SLC35F6: variants seen among roughly 807,000 people sequenced by gnomAD.
SLC35F6 encodes the protein solute carrier family 35 member F6.
SLC35F6 carries 26 observed loss-of-function variants against 29.4 expected under a neutral mutation model. The ratio of observed to expected loss-of-function variants is 0.89; its 90% CI spans 0.65 to 1.23. The LOEUF (loss-of-function observed/expected upper bound fraction) is 1.23, where lower values mean the gene tolerates loss of function less well. Among genes scored for constraint, SLC35F6 ranks in the 50% most tolerant of loss-of-function variants. The pLI is 0.00. For missense variants in SLC35F6, 428 were observed against 487.8 expected, an observed-to-expected ratio of 0.88 and a Z score of 1.15; for synonymous variants, 174 against 206.6, an observed-to-expected ratio of 0.84 and a Z score of 1.35.
chr2:26,776,758 G>C (rs10183879), intron 5 of SLC35F6, among the ~76,000 whole-genome samples: 2,282 of 152,296 alleles, frequency 0.015, 57 homozygotes, highest in African/African-American at 0.052. Context: ...GTGCTCAACT[G>C]ATGTCTCATT....
At position 26,778,229 on chromosome 2, in the gene SLC35F6, C is replaced by T. The variant is rs565856734; in HGVS notation, c.834C>T (p.Phe278=). ...TCAGCAGCATTGCCTTCTTCAACTT[C>T]GCAGGCATCAGCGTCACCAAGGAAC... The part of the protein sequence containing the change: ...GNISSIAFFN[F]AGISVTKELS... Residue 278 remains phenylalanine (F), a synonymous_variant, in exon 6 of 6, where the codon TTC becomes TTT. Coordinates refer to ENST00000344420, the MANE Select transcript of SLC35F6 (RefSeq NM_017877.4). The T allele has an allele frequency of 8.7e-6, 14 of 1,614,178 alleles. No homozygotes were observed. The African/African-American group carries it at 1.2e-4, about 14-fold the overall frequency.
rs1572634043 is a variant in SLC35F6, at chr2:26,775,197, A to C, written c.304A>C (p.Thr102Pro). 6.2e-7 allele frequency: 1 copy of C among 1,613,882 alleles called. No homozygotes were observed. The highest frequency in any genetic ancestry group is 8.5e-7 in the Non-Finnish European group (1 of 1,179,950). The change falls in exon 3 of 6, where the codon ACC (threonine) becomes CCC (proline). Residue 102 changes from threonine to proline, a missense_variant. Thr to Pro is a conservative substitution (Grantham distance 38). Coordinates refer to ENST00000344420, the MANE Select transcript of SLC35F6 (RefSeq NM_017877.4). The surrounding 1 kb of genome is among the most constrained non-coding windows in gnomAD (Gnocchi z 4.6). ...CCCAGCGCTCTGTGACATGACAGGG[A>C]CCAGCCTCATGTATGTGGGTGAGTA... is the stretch of plus-strand genomic sequence containing the variant. ...LPPALCDMTG[T>P]SLMYVALNMT... is the part of the protein sequence containing the mutation.
rs960426815 is a variant in SLC35F6 at position 26,774,142 on chromosome 2, G to A, written c.78-109G>A. 1.7e-5 allele frequency: 22 copies of A among 1,314,004 alleles called. No individual in the cohort carries two copies. The African/African-American group carries it at 2.9e-4, about 17-fold the overall frequency. 81.4% of individuals were successfully genotyped at this position (1,314,004 alleles called of 1,614,324 possible). A position where few individuals can be genotyped will look rare whatever the true frequency, so the allele number is the denominator to read the frequency against. On this transcript the variant is annotated intron_variant, in intron 1 of 5. Coordinates refer to ENST00000344420, the MANE Select transcript of SLC35F6 (RefSeq NM_017877.4). ...CCCTTTGAGAGGGAGCCCCACTCTG[G>A]GGCCGGGTCACCCAGGTCTGGGCCT...
chr2:26,779,673 A>G lies in SLC35F6; in HGVS notation c.*1162A>G, dbSNP rs1181663237. The G allele has an allele frequency of 2.6e-5, 4 of 151,996 alleles. No individual in the cohort carries two copies. The highest frequency in any genetic ancestry group is 5.9e-5 in the Non-Finnish European group (4 of 68,046). 9.4% of individuals were successfully genotyped at this position (151,996 alleles called of 1,614,324 possible). A position where few individuals can be genotyped will look rare whatever the true frequency, so the allele number is the denominator to read the frequency against. On this transcript the variant is annotated 3_prime_UTR_variant, in exon 6 of 6. Transcript: ENST00000344420. Reference sequence around the variant, plus strand: ...TGGGACTACAGGCGTGTGCCACCACATCCGGCTAATTTTTTGCATTCTTTA... The same window carrying G: ...TGGGACTACAGGCGTGTGCCACCACGTCCGGCTAATTTTTTGCATTCTTTA...
At chr2:26,764,723 G>A in intron 1 of SLC35F6, 1 of 899,414 alleles carries the variant, frequency 1.1e-6, no homozygotes, top group Non-Finnish European at 1.3e-6. Context: ...TCCAGTGCTG[G>A]CGTCCAAGCC....
In SLC35F6 at chr2:26,767,099, G is replaced by A. The variant is rs542122088; in HGVS notation, c.77+2673G>A. On this transcript the variant is annotated intron_variant, in intron 1 of 5. Coordinates refer to ENST00000344420, the MANE Select transcript of SLC35F6 (RefSeq NM_017877.4). ...ATGAAGGCTGGAACCCAGGCCTCAG[G>A]ACTTTAAGTCCTGTTCTTTTATGAC... Among the ~76,000 whole-genome samples, 10 of 152,320 alleles carry A rather than the reference G, an allele frequency of 6.6e-5. 1 individual carries two copies. The highest frequency in any genetic ancestry group is 2.4e-4 in the African/African-American group (10 of 41,568).
At position 26,775,354 on chromosome 2, in the gene SLC35F6, G is replaced by A. The variant is rs1438033187; in HGVS notation, c.323-110G>A. ...TTCACACGCACAGGCACACAGGCAGGACTGATCGAGCGCTTACTATGAGCT... is the reference window on the plus strand; with the variant it reads ...TTCACACGCACAGGCACACAGGCAGAACTGATCGAGCGCTTACTATGAGCT... On this transcript the variant is annotated intron_variant, in intron 3 of 5. Transcript: ENST00000344420. This position sits in a 1 kb window ranked among gnomAD's most constrained non-coding sequence, Gnocchi z 4.6. The A allele has an allele frequency of 6.6e-7, 1 of 1,520,550 alleles. No individual in the cohort carries two copies. Among genetic ancestry groups the A allele is most frequent in the East Asian group, 2.3e-5 (1 of 43,098 alleles). 94.2% of individuals were successfully genotyped at this position (1,520,550 alleles called of 1,614,324 possible).
intron 1 of SLC35F6, among the ~76,000 whole-genome samples, chr2:26,770,417 C>CA: frequency 6.6e-6 from 1 of 151,960 alleles, no homozygotes; most frequent in East Asian, 1.9e-4. Flanking sequence ...AAAAACAAAA[C>CA]AAAAAAACAA....
rs1197452897 is a variant in SLC35F6, at chr2:26,775,838, G to A, written c.535+162G>A. Among the ~76,000 whole-genome samples, 15 of 152,184 alleles carry A rather than the reference G, an allele frequency of 9.9e-5. No homozygotes were observed. In the East Asian group the frequency reaches 2.9e-3, roughly 29 times the overall value. ...ATAGAATGTAGGGAAGACTGCAAAG[G>A]GATGTGGCTCCACCAAGGATGAGTG... On this transcript the variant is annotated intron_variant, in intron 4 of 5. Transcript: ENST00000344420. This position sits in a 1 kb window ranked among gnomAD's most constrained non-coding sequence, Gnocchi z 4.6.
At chr2:26,767,722 C>T (rs1325879459) in intron 1 of SLC35F6, among the ~76,000 whole-genome samples, 1 of 152,168 alleles carries the variant, frequency 6.6e-6, no homozygotes, top group Non-Finnish European at 1.5e-5. Flanking sequence ...TATGAAGAGC[C>T]GGGGTCAGCT....
intron 1 of SLC35F6, among the ~76,000 whole-genome samples, chr2:26,773,957 C>T (rs1194683910): frequency 6.6e-6 from 1 of 152,202 alleles, no homozygotes; most frequent in Non-Finnish European, 1.5e-5. Context: ...GGTCTGACTA[C>T]TGTAATGTTC....
chr2:26,766,320 C>G (rs906252255), intron 1 of SLC35F6, among the ~76,000 whole-genome samples: 2 of 152,208 alleles, frequency 1.3e-5, no homozygotes, highest in Non-Finnish European at 2.9e-5. Context: ...ATTTCTGGCC[C>G]GGCGCGGTGG....
chr2:26,776,776 C>G (rs1664308944), intron 5 of SLC35F6, among the ~76,000 whole-genome samples: 1 of 152,122 alleles, frequency 6.6e-6, no homozygotes, highest in Non-Finnish European at 1.5e-5. Context: ...ATTGGCCATG[C>G]CTATCTGAGT....
In SLC35F6 at chr2:26,778,441, C is replaced by T. The variant is rs1234554605; in HGVS notation, c.1046C>T (p.Pro349Leu). 6.2e-7 allele frequency: 1 copy of T among 1,613,978 alleles called. No individual in the cohort carries two copies. The highest frequency in any genetic ancestry group is 8.5e-7 in the Non-Finnish European group (1 of 1,179,976). ...CTGGGCCGCCTGTCCAGGGGCCGGC[C>T]CCTGGCAGAGGAGAGCGAGCAGGAG... ...PLLGRLSRGR[P>L]LAEESEQERL... The change falls in exon 6 of 6, where the codon CCC becomes CTC. Residue 349 changes from proline to leucine, a missense_variant. Transcript: ENST00000344420.
chr2:26,777,572 C>A (rs906930082), intron 5 of SLC35F6, among the ~76,000 whole-genome samples: 3 of 152,194 alleles, frequency 2.0e-5, no homozygotes, highest in African/African-American at 7.2e-5. Flanking sequence ...CATGGACTTA[C>A]CTTCTGGCGC....
At chr2:26,774,134 C>A in intron 1 of SLC35F6, 117 bp from the exon 2 acceptor site, 2 of 1,179,264 alleles carry the variant, frequency 1.7e-6, no homozygotes, top group Non-Finnish European at 2.4e-6. Flanking sequence ...AGAGGGAGCC[C>A]CACTCTGGGG....
At chr2:26,769,020 A>C (rs1664143183) in intron 1 of SLC35F6, among the ~76,000 whole-genome samples, 1 of 152,074 alleles carries the variant, frequency 6.6e-6, no homozygotes, top group Non-Finnish European at 1.5e-5. Flanking sequence ...CTGCTGTGGC[A>C]CCCCAGAGAG....
Position 26,775,426 on chromosome 2 carries a change from C to T in SLC35F6, c.323-38C>T. The T allele has an allele frequency of 1.9e-6, 3 of 1,602,320 alleles. No individual in the cohort carries two copies. The highest frequency in any genetic ancestry group is 2.6e-6 in the Non-Finnish European group (3 of 1,173,876). On this transcript the variant is annotated intron_variant, in intron 3 of 5. Coordinates refer to ENST00000344420, the MANE Select transcript of SLC35F6 (RefSeq NM_017877.4). The surrounding 1 kb of genome is among the most constrained non-coding windows in gnomAD (Gnocchi z 4.6). ...CCCCTTAGTGACAGATGGCCTTCGC[C>T]TTGGGAAGCTAACTGTAATTTGTTT...
At position 26,780,808 on chromosome 2, in the gene SLC35F6, G is replaced by A. The variant is rs1664396811; in HGVS notation, c.*2297G>A. On this transcript the variant is annotated 3_prime_UTR_variant, in exon 6 of 6. Transcript: ENST00000344420. ...CAGTGCTGCTCCTTGGAACAGTTGA[G>A]TGTGGCCTCAAACCATTCTCCTGGG... 1 of 152,284 alleles carries A rather than the reference G, an allele frequency of 6.6e-6. No individual in the cohort carries two copies. The highest frequency in any genetic ancestry group is 1.5e-5 in the Non-Finnish European group (1 of 68,102). 9.4% of individuals were successfully genotyped at this position (152,284 alleles called of 1,614,324 possible). A position where few individuals can be genotyped will look rare whatever the true frequency, so the allele number is the denominator to read the frequency against.
Sources: gnomAD v4.1 joint callset for allele counts (sites outside exome capture counted in the v4.1 genomes callset) on GRCh38, gnomAD v4.1.1 for gene constraint, Gnocchi (gnomAD v3.1) non-coding constraint, MANE v1.5 for transcripts, NCBI Gene and HGNC (gene_info 2026-07-23, HGNC 2026-07-21) for gene names.